Variants in CAB39 observed in about 807,000 individuals in gnomAD.
The protein encoded by CAB39 is calcium binding protein 39, also known as calcium-binding protein 39.
Under a neutral mutation model 40.0 loss-of-function variants are expected in CAB39, and 8 were observed. The ratio of observed to expected loss-of-function variants is 0.20; its 90% CI spans 0.12 to 0.36. The LOEUF is 0.36. Among genes scored for constraint, CAB39 ranks in the 10% least tolerant of loss-of-function variants. The pLI, the probability that CAB39 is intolerant of heterozygous loss-of-function variation, is 1.00. For missense variants in CAB39, 270 were observed against 401.1 expected, an observed-to-expected ratio of 0.67 and a Z score of 2.79; for synonymous variants, 156 against 141.6, an observed-to-expected ratio of 1.10 and a Z score of -0.72.
chr2:230,762,241 C>T (rs575279560), intron 2 of CAB39, among the ~76,000 whole-genome samples: 10 of 152,136 alleles, frequency 6.6e-5, no homozygotes, highest in Non-Finnish European at 1.5e-4. Flanking sequence ...GATTCAAGTA[C>T]ATTTCTCATT....
chr2:230,801,054 G>A (rs1696080761), intron 5 of CAB39, among the ~76,000 whole-genome samples: 1 of 152,126 alleles, frequency 6.6e-6, no homozygotes, highest in East Asian at 1.9e-4. Flanking sequence ...GTGAGCTCTG[G>A]AAGAGAGAGC....
At chr2:230,725,511 T>C (rs1236989391) in intron 1 of CAB39, 8 of 992,732 alleles carry the variant, frequency 8.1e-6, no homozygotes, top group Non-Finnish European at 1.1e-5. Context: ...CTTTTTAATA[T>C]CAAATTTTGT....
intron 1 of CAB39, among the ~76,000 whole-genome samples, chr2:230,728,620 GT>G (rs951750164): frequency 6.6e-6 from 1 of 152,056 alleles, no homozygotes; most frequent in East Asian, 1.9e-4. Context: ...TCTTTTATAT[GT>G]TTTTTTGAGA....
At chr2:230,783,434 T>A (rs947570378) in intron 2 of CAB39, among the ~76,000 whole-genome samples, 1 of 143,570 alleles carries the variant, frequency 7.0e-6, no homozygotes, top group Non-Finnish European at 1.5e-5. Flanking sequence ...GGAAGTCTGT[T>A]CTTGTCTAGT....
At chr2:230,724,919 C>T (rs1207733606) in intron 1 of CAB39, among the ~76,000 whole-genome samples, 1 of 151,548 alleles carries the variant, frequency 6.6e-6, no homozygotes, top group Non-Finnish European at 1.5e-5. Flanking sequence ...TGGTAACTGT[C>T]ACCAGGGAAC....
intron 1 of CAB39, among the ~76,000 whole-genome samples, chr2:230,745,513 A>T (rs779365112): frequency 6.6e-6 from 1 of 152,264 alleles, no homozygotes; most frequent in Non-Finnish European, 1.5e-5. Context: ...TATGCAGCAT[A>T]TATCTGAGAT....
At chr2:230,736,789 TA>T (rs1383902644) in intron 1 of CAB39, among the ~76,000 whole-genome samples, 1 of 152,086 alleles carries the variant, frequency 6.6e-6, no homozygotes, top group African/African-American at 2.4e-5. Flanking sequence ...AGTTCAAGTT[TA>T]AGGTATCTTA....
intron 5 of CAB39, among the ~76,000 whole-genome samples, chr2:230,805,232 A>C (rs1696170105): frequency 6.6e-6 from 1 of 151,822 alleles, no homozygotes; most frequent in African/African-American, 2.4e-5. Flanking sequence ...GGGGAACATC[A>C]AACACCGGGG....
chr2:230,715,019 A>G (rs1055178059), intron 1 of CAB39, among the ~76,000 whole-genome samples: 1 of 152,350 alleles, frequency 6.6e-6, no homozygotes, highest in Non-Finnish European at 1.5e-5. Context: ...AACATTTTCT[A>G]TAATCTTACC....
chr2:230,799,017 A>AT, intron 5 of CAB39, 120 bp downstream of exon 5: 2 of 677,310 alleles, frequency 3.0e-6, no homozygotes, highest in Non-Finnish European at 4.8e-6. Flanking sequence ...AGAAAGATAC[A>AT]TTTTGTATAT....
In CAB39 at chr2:230,753,660, C is replaced by T. The variant is rs898091738; in HGVS notation, c.-43-6299C>T. ...TACTGGGGAGGCTGAGGCAGAATTG[C>T]TTGAACCCAGGAGGTGGAGGTTATA... On this transcript the variant is annotated intron_variant, in intron 1 of 8. Coordinates refer to ENST00000258418, the MANE Select transcript of CAB39 (RefSeq NM_016289.4). Among the ~76,000 whole-genome samples the T allele has an allele frequency of 3.3e-5, 5 of 150,764 alleles. No homozygotes were observed. In the South Asian group the frequency reaches 1.0e-3, roughly 32 times the overall value.
chr2:230,745,382 A>G (rs115001683), intron 1 of CAB39, among the ~76,000 whole-genome samples: 240 of 152,354 alleles, frequency 1.6e-3, no homozygotes, highest in African/African-American at 5.7e-3. Context: ...ATGTGCCTAA[A>G]GGAAGTTTGT....
chr2:230,765,979 C>T (rs10176502), intron 2 of CAB39, among the ~76,000 whole-genome samples: 54,744 of 152,012 alleles, frequency 0.36, 13,677 homozygotes, highest in African/African-American at 0.71. Flanking sequence ...TGAAGAGCAG[C>T]CCATGCAAAT....
intron 1 of CAB39, among the ~76,000 whole-genome samples, chr2:230,740,127 C>G (rs1340683125): frequency 7.2e-5 from 11 of 152,182 alleles, no homozygotes; most frequent in Admixed American, 2.6e-4. Flanking sequence ...GTCATGAGGT[C>G]AAAGTAGTCT....
At chr2:230,811,738 C>T (rs747928717) in intron 6 of CAB39, among the ~76,000 whole-genome samples, 4 of 152,236 alleles carry the variant, frequency 2.6e-5, no homozygotes, top group Non-Finnish European at 5.9e-5. Context: ...GGCACAGTGC[C>T]TGGAACACAG....
At chr2:230,799,516 A>G (rs1412088120) in intron 5 of CAB39, among the ~76,000 whole-genome samples, 2 of 152,232 alleles carry the variant, frequency 1.3e-5, no homozygotes, top group Non-Finnish European at 2.9e-5. Flanking sequence ...AATTAAATAC[A>G]TACATGATGT....
At position 230,820,315 on chromosome 2, in the gene CAB39, G is replaced by C. The variant is rs1330696751; in HGVS notation, c.*1611G>C. The C allele has an allele frequency of 6.6e-6, 1 of 152,198 alleles. No homozygotes were observed. Among genetic ancestry groups the C allele is most frequent in the African/African-American group, 2.4e-5 (1 of 41,446 alleles). 9.4% of individuals were successfully genotyped at this position (152,198 alleles called of 1,614,324 possible). A position where few individuals can be genotyped will look rare whatever the true frequency, so the allele number is the denominator to read the frequency against. On this transcript the variant is annotated 3_prime_UTR_variant, in exon 9 of 9. Transcript: ENST00000258418. ...CAGTAAAATGGGCCTCCCAATTGCT[G>C]TTTCAGCAGGTTTTAAACCTTCAGG...
At chr2:230,729,152 G>T (rs1288635323) in intron 1 of CAB39, among the ~76,000 whole-genome samples, 2 of 152,164 alleles carry the variant, frequency 1.3e-5, no homozygotes, top group African/African-American at 4.8e-5. Flanking sequence ...TTGCAAATTA[G>T]CCACAGAGCC....
At chr2:230,759,167 C>T (rs146405833) in intron 1 of CAB39, among the ~76,000 whole-genome samples, 2 of 152,220 alleles carry the variant, frequency 1.3e-5, no homozygotes, top group African/African-American at 4.8e-5. Context: ...TGACAACTGT[C>T]ACATAGGGGA....
Sources: allele counts gnomAD v4.1 joint callset (sites outside exome capture counted in the v4.1 genomes callset), GRCh38; gene constraint gnomAD v4.1.1; transcripts MANE v1.5; gene names NCBI Gene and HGNC (gene_info 2026-07-23, HGNC 2026-07-21).